The following DPP6 variants were observed in gnomAD, a reference collection of about 807,000 sequenced individuals.
DPP6 encodes A-type potassium channel modulatory protein DPP6.
A neutral mutation model predicts 122.6 loss-of-function variants in DPP6; 69 were observed. That is an observed-to-expected ratio of 0.56 (90% confidence interval 0.46 to 0.69). DPP6 has a LOEUF of 0.69. DPP6 is among the 30% of genes least tolerant of loss of function. The pLI is 0.00. For missense variants in DPP6, 928 were observed against 1,116.9 expected, an observed-to-expected ratio of 0.83 and a Z score of 2.41; for synonymous variants, 418 against 433.1, an observed-to-expected ratio of 0.97 and a Z score of 0.43.
intron 4 of DPP6, among the ~76,000 whole-genome samples, chr7:154,563,151 C>A (rs1278687578): frequency 1.3e-5 from 2 of 152,108 alleles, no homozygotes; most frequent in Non-Finnish European, 2.9e-5. Context: ...TAGAAGGTGA[C>A]TTGAGATAAA....
chr7:154,381,285 T>A (rs983867772), intron 1 of DPP6, among the ~76,000 whole-genome samples: 1 of 152,164 alleles, frequency 6.6e-6, no homozygotes, highest in African/African-American at 2.4e-5. Context: ...AGGGGGTGCC[T>A]TTTACTCCGT....
At chr7:154,158,945 A>C (rs1796834571) in intron 1 of DPP6, among the ~76,000 whole-genome samples, 1 of 151,962 alleles carries the variant, frequency 6.6e-6, no homozygotes, top group East Asian at 1.9e-4. Context: ...ACACTGTCCC[A>C]TCTTCAACTC....
the DPP6 span, among the ~76,000 whole-genome samples, chr7:153,758,114 T>G: frequency 6.6e-6 from 1 of 152,224 alleles, no homozygotes; most frequent in Non-Finnish European, 1.5e-5. Context: ...GTAAAAATTA[T>G]GACCTCCAGC....
chr7:154,231,027 T>G (rs192683304), intron 1 of DPP6, among the ~76,000 whole-genome samples: 1 of 152,348 alleles, frequency 6.6e-6, no homozygotes, highest in East Asian at 1.9e-4. Context: ...GTAAGACTTC[T>G]TGAAAGATAG....
At chr7:154,425,803 T>C (rs1280285906) in intron 1 of DPP6, among the ~76,000 whole-genome samples, 2 of 151,952 alleles carry the variant, frequency 1.3e-5, no homozygotes, top group Non-Finnish European at 2.9e-5. Context: ...CCACTATGCC[T>C]GGCTAATTTT....
chr7:154,551,323 G>A (rs1273471007), intron 4 of DPP6, among the ~76,000 whole-genome samples: 16 of 151,962 alleles, frequency 1.1e-4, no homozygotes, highest in Admixed American at 1.0e-3. Flanking sequence ...CTCTTTTTTG[G>A]GGGAGGTGGC....
At chr7:153,867,792 A>G in the DPP6 span, among the ~76,000 whole-genome samples, 9 of 152,192 alleles carry the variant, frequency 5.9e-5, no homozygotes, top group Admixed American at 1.3e-4. Flanking sequence ...TGGGTTTGAC[A>G]TAGATAGCTC....
At chr7:153,860,332 C>G in the DPP6 span, among the ~76,000 whole-genome samples, 1 of 152,108 alleles carries the variant, frequency 6.6e-6, no homozygotes, top group Non-Finnish European at 1.5e-5. Context: ...GCTCAGTGCC[C>G]CAGGAGGCTG....
At chr7:153,975,372 T>A (rs1169182832) in intron 1 of DPP6, among the ~76,000 whole-genome samples, 1 of 123,492 alleles carries the variant, frequency 8.1e-6, no homozygotes, top group Admixed American at 9.2e-5. Context: ...AACTTAAGCC[T>A]ACAAAGATTT....
At chr7:154,316,943 C>T (rs956851014) in intron 1 of DPP6, among the ~76,000 whole-genome samples, 4 of 152,176 alleles carry the variant, frequency 2.6e-5, no homozygotes, top group South Asian at 2.1e-4. Flanking sequence ...AGTTGGGTAA[C>T]CTCAGTTTCC....
chr7:154,597,609 TA>T (rs1554596243), intron 5 of DPP6, among the ~76,000 whole-genome samples: 335 of 147,692 alleles, frequency 2.3e-3, no homozygotes, highest in African/African-American at 7.1e-3. Context: ...TGAGACTCCA[TA>T]AAAAAAAAAA....
chr7:154,561,714 A>ACATTTTCT, intron 4 of DPP6, among the ~76,000 whole-genome samples: 2 of 152,288 alleles, frequency 1.3e-5, no homozygotes, highest in Middle Eastern at 6.8e-3. Context: ...ACTACACAGA[A>ACATTTTCT]AACAGAAAAA....
chr7:154,209,651 A>C (rs2150805187), intron 1 of DPP6, among the ~76,000 whole-genome samples: 1 of 152,318 alleles, frequency 6.6e-6, no homozygotes, highest in South Asian at 2.1e-4. Flanking sequence ...AGTGTAAAGA[A>C]GCCCAGTGCA....
intron 1 of DPP6, among the ~76,000 whole-genome samples, chr7:154,071,282 G>A (rs554224582): frequency 6.6e-6 from 1 of 152,080 alleles, no homozygotes; most frequent in South Asian, 2.1e-4. Context: ...TTTATCCCTG[G>A]AATAACCTTG....
intron 22 of DPP6, 131 bp from the exon 23 acceptor site, chr7:154,887,545 C>A: frequency 1.1e-6 from 1 of 874,910 alleles, no homozygotes; most frequent in Non-Finnish European, 1.9e-6. Flanking sequence ...CAATCTGCCA[C>A]ACAAGTGGCA....
intron 1 of DPP6, among the ~76,000 whole-genome samples, chr7:154,315,560 A>C (rs1275192786): frequency 6.6e-6 from 1 of 151,992 alleles, no homozygotes; most frequent in Non-Finnish European, 1.5e-5. Flanking sequence ...AAGACACATC[A>C]GTAGGAATGT....
At chr7:154,341,476 G>T (rs1193078290) in intron 1 of DPP6, among the ~76,000 whole-genome samples, 2 of 152,024 alleles carry the variant, frequency 1.3e-5, no homozygotes, top group African/African-American at 2.4e-5. Flanking sequence ...AGAAAAGTGA[G>T]AGACAGAACA....
At chr7:154,597,151 C>G (rs6597421) in intron 5 of DPP6, among the ~76,000 whole-genome samples, 89,466 of 150,978 alleles carry the variant, frequency 0.59, 26,963 homozygotes, top group African/African-American at 0.7. Flanking sequence ...GAGAGAGACA[C>G]AGAGACAGAG....
At chr7:154,834,232 C>T (rs548502996) in intron 16 of DPP6, among the ~76,000 whole-genome samples, 3 of 151,422 alleles carry the variant, frequency 2.0e-5, no homozygotes, top group Non-Finnish European at 2.9e-5. Context: ...CTTTGGGAGG[C>T]CGAGGCAGGC....
Sources: gnomAD v4.1 joint callset for allele counts (sites outside exome capture counted in the v4.1 genomes callset) on GRCh38, gnomAD v4.1.1 for gene constraint, MANE v1.5 for transcripts, NCBI Gene and HGNC (gene_info 2026-07-23, HGNC 2026-07-21) for gene names.